Variants in SCP2 observed in about 807,000 individuals in gnomAD.
The protein encoded by SCP2 is sterol carrier protein 2, also known as SCP-2/3-oxoacyl-CoA thiolase.
SCP2 carries 48 observed loss-of-function variants against 71.4 expected under a neutral mutation model. The observed-to-expected ratio is 0.67, with a 90% confidence interval of 0.53 to 0.86. The LOEUF (loss-of-function observed/expected upper bound fraction) is 0.86. SCP2 is among the 40% of genes least tolerant of loss of function. SCP2 has a pLI of 0.00. For missense variants in SCP2, 560 were observed against 655.6 expected, an observed-to-expected ratio of 0.85 and a Z score of 1.59; for synonymous variants, 220 against 218.1, an observed-to-expected ratio of 1.01 and a Z score of -0.08.
intron 2 of SCP2, among the ~76,000 whole-genome samples, chr1:52,944,921 A>G (rs1324517857): frequency 2.0e-5 from 3 of 151,964 alleles, no homozygotes; most frequent in Non-Finnish European, 2.9e-5. Context: ...TGCTAGGATT[A>G]CAGGCGTGAG....
At chr1:53,039,416 C>T (rs886532662) in intron 14 of SCP2, among the ~76,000 whole-genome samples, 1 of 152,202 alleles carries the variant, frequency 6.6e-6, no homozygotes, top group Non-Finnish European at 1.5e-5. Flanking sequence ...AGGATTCTTT[C>T]TTAATTAACC....
intron 11 of SCP2, chr1:52,994,016 A>G (rs1232421107): frequency 8.3e-7 from 1 of 1,211,692 alleles, no homozygotes; most frequent in African/African-American, 1.6e-5. Flanking sequence ...TTTGTTTTCT[A>G]GCGTGACACC....
intron 11 of SCP2, among the ~76,000 whole-genome samples, chr1:52,988,634 T>TA (rs557647797): frequency 2.3e-4 from 35 of 151,922 alleles, no homozygotes; most frequent in Admixed American, 2.0e-3. Context: ...TTTTTTTAAA[T>TA]AAAAAATTAA....
chr1:53,009,786 T>C (rs569300467), intron 11 of SCP2, among the ~76,000 whole-genome samples: 1 of 152,286 alleles, frequency 6.6e-6, no homozygotes, highest in Non-Finnish European at 1.5e-5. Context: ...TGGGATCTAA[T>C]TAAACTGAAG....
At position 53,037,927 on chromosome 1, in the gene SCP2, CACAGAT is replaced by C. The variant is rs1235736974; in HGVS notation, c.1339-989_1339-984del. ...ACACACACACACACACACACACACA[CACAGAT>C]CCAGATCCTGTCTCTATACACACAC... is the stretch of plus-strand genomic sequence containing the variant. On this transcript the variant is annotated intron_variant, in intron 13 of 15. Coordinates refer to ENST00000371514, the MANE Select transcript of SCP2 (RefSeq NM_002979.5). Among the ~76,000 whole-genome samples the C allele has an allele frequency of 6.4e-4, 81 of 126,072 alleles. 1 individual carries two copies. Among genetic ancestry groups the C allele is most frequent in the Middle Eastern group, 4.6e-3 (1 of 216 alleles). 82.7% of individuals were successfully genotyped at this position (126,072 alleles called of 152,430 possible).
Position 53,038,897 on chromosome 1 carries a change from A to C in SCP2, c.1339-20A>C, listed in dbSNP as rs145821714. ...AGAGAAATGGACTTAATGTAACCCC[A>C]GTGTTATTTTTCTTTCCAGGAAGGG... On this transcript the variant is annotated intron_variant, in intron 13 of 15. Transcript: ENST00000371514. 1.4e-5 allele frequency: 23 copies of C among 1,613,366 alleles called. No homozygotes were observed. The highest frequency in any genetic ancestry group is 1.7e-6 in the Non-Finnish European group (2 of 1,179,910).
intron 9 of SCP2, 140 bp from the exon 10 acceptor site, chr1:52,980,256 G>T: frequency 1.4e-6 from 1 of 723,538 alleles, no homozygotes; most frequent in South Asian, 1.9e-5. Flanking sequence ...TTATAGGCAT[G>T]AGCCAATGCA....
intron 10 of SCP2, among the ~76,000 whole-genome samples, chr1:52,987,826 G>A (rs1012724931): frequency 2.0e-5 from 3 of 152,116 alleles, no homozygotes; most frequent in Non-Finnish European, 4.4e-5. Context: ...GAACTAATAG[G>A]AGCTTTTGTT....
chr1:53,017,744 A>G (rs1230622611), intron 12 of SCP2, among the ~76,000 whole-genome samples: 2 of 152,254 alleles, frequency 1.3e-5, no homozygotes, highest in Non-Finnish European at 2.9e-5. Context: ...TAATGATTAC[A>G]ACTGTATGCA....
chr1:53,015,079 C>T (rs1661244041), intron 12 of SCP2, 36 bp downstream of exon 12: 1 of 1,597,310 alleles, frequency 6.3e-7, no homozygotes, highest in Non-Finnish European at 8.6e-7. Context: ...GTCAGTTAAT[C>T]CTTCTGACTT....
At chr1:53,041,338 G>T (rs959463093) in intron 14 of SCP2, among the ~76,000 whole-genome samples, 5 of 151,564 alleles carry the variant, frequency 3.3e-5, no homozygotes, top group Admixed American at 6.6e-5. Flanking sequence ...GGAGGCGGAG[G>T]TTGCAGTGAG....
rs190706991 is a variant in SCP2 at position 52,936,402 on chromosome 1, A to G, written c.70-5394A>G. ...CTGCTGCTAACAACACAGAGAAACA[A>G]TCAGATATATGCTTCCTAATGAAAG... On this transcript the variant is annotated intron_variant, in intron 1 of 15. Coordinates refer to ENST00000371514, the MANE Select transcript of SCP2 (RefSeq NM_002979.5). Among the ~76,000 whole-genome samples the G allele has an allele frequency of 6.5e-4, 99 of 152,344 alleles. 1 individual carries two copies. Among genetic ancestry groups the G allele is most frequent in the African/African-American group, 2.2e-3 (92 of 41,592 alleles).
chr1:52,996,126 C>A, intron 11 of SCP2: 1 of 489,234 alleles, frequency 2.0e-6, no homozygotes, highest in African/African-American at 2.0e-5. Context: ...GCCTGAAACA[C>A]AAATCTAGAT....
intron 14 of SCP2, among the ~76,000 whole-genome samples, chr1:53,046,945 G>A (rs1246752260): frequency 6.6e-6 from 1 of 152,214 alleles, no homozygotes; most frequent in Non-Finnish European, 1.5e-5. Flanking sequence ...CCATGGATAA[G>A]TAGGCTGAGG....
At position 52,995,846 on chromosome 1, in the gene SCP2, A is replaced by G. The variant is rs371581818; in HGVS notation, c.1081+7710A>G. ...CTTCAGGTGCATCTTGGAGCAGTTC[A>G]CTGCCATGTTCCCCTGGAAGGCCTT... On this transcript the variant is annotated intron_variant, in intron 11 of 15. Coordinates refer to ENST00000371514, the MANE Select transcript of SCP2 (RefSeq NM_002979.5). 540 of 1,180,362 alleles carry G rather than the reference A, an allele frequency of 4.6e-4. 4 individuals are homozygous for G. In the East Asian group the frequency reaches 0.011, roughly 24 times the overall value. The allele number at this position is 1,180,362 out of a possible 1,614,324, so 73.1% of individuals were successfully genotyped here.
chr1:52,939,871 T>A (rs1437847686), intron 1 of SCP2, among the ~76,000 whole-genome samples: 2 of 152,048 alleles, frequency 1.3e-5, no homozygotes, highest in Non-Finnish European at 2.9e-5. Context: ...GGTTTCATCA[T>A]GTTGACCAGT....
rs149958725 is a variant in SCP2, at chr1:52,927,463, A to C, written c.67A>C (p.Lys23Gln). The C allele has an allele frequency of 8.8e-6, 14 of 1,597,798 alleles. No homozygotes were observed. In the African/African-American group the frequency reaches 1.1e-4, roughly 12 times the overall value. The change falls in exon 1 of 16, where the codon AAG becomes CAG. Residue 23 changes from lysine (K) to glutamine (Q), a missense_variant and splice_region_variant. Transcript: ENST00000371514. ...RVFVVGVGMT[K>Q]FVKPGAENSR... ...GTTCGTGGTGGGGGTTGGCATGACC[A>C]AGGTAAACCGAGCAGCGGCCCTGCT...
intron 11 of SCP2, chr1:52,994,120 T>C: frequency 6.6e-6 from 7 of 1,062,850 alleles, no homozygotes; most frequent in Non-Finnish European, 8.0e-6. Flanking sequence ...TAGACTAAAC[T>C]GTTTTCTTTA....
chr1:53,002,145 C>T (rs1196741700), intron 11 of SCP2, among the ~76,000 whole-genome samples: 1 of 151,212 alleles, frequency 6.6e-6, no homozygotes, highest in Non-Finnish European at 1.5e-5. Flanking sequence ...CGAGATCACG[C>T]CACTGCACTC....
Sources: allele counts gnomAD v4.1 joint callset (sites outside exome capture counted in the v4.1 genomes callset), GRCh38; gene constraint gnomAD v4.1.1; transcripts MANE v1.5; gene names NCBI Gene and HGNC (gene_info 2026-07-23, HGNC 2026-07-21).